ANXA8: variants seen among roughly 807,000 people sequenced by gnomAD.
The protein encoded by ANXA8 is VAC-beta.
In ANXA8, 9 loss-of-function variants were observed where a neutral mutation model predicts 26.8. The ratio of observed to expected loss-of-function variants is 0.34; its 90% CI spans 0.20 to 0.59. The LOEUF (loss-of-function observed/expected upper bound fraction) is 0.59. ANXA8 is among the 20% of genes least tolerant of loss of function. The probability of loss-of-function intolerance (pLI) is 0.84; values close to 1 mark genes in which losing one functional copy is unlikely to be tolerated. For missense variants in ANXA8, 83 were observed against 238.5 expected (o/e 0.35, Z 4.29); for synonymous variants, 39 against 94.8 (o/e 0.41, Z 3.42).
chr10:47,510,033 A>G, the ANXA8 span: 4 of 1,465,798 alleles, frequency 2.7e-6, no homozygotes, highest in Non-Finnish European at 3.6e-6. Flanking sequence ...AGAGAAACTG[A>G]TACTTAATAT....
chr10:47,700,289 T>G, the ANXA8 span, among the ~76,000 whole-genome samples: 6 of 151,884 alleles, frequency 4.0e-5, no homozygotes, highest in African/African-American at 1.5e-4. Flanking sequence ...AGTGAAGTAC[T>G]GATGCATGAA....
At chr10:47,733,227 CTTTCTCTCTTTCTTTCTTTCTT>C in the ANXA8 span, among the ~76,000 whole-genome samples, 2 of 75,584 alleles carry the variant, frequency 2.6e-5, no homozygotes, top group African/African-American at 1.1e-4. Flanking sequence ...CTTTCTCTTT[CTTTCTCTCTTTCTTTCTTTCTT>C]TCTTTCTTTC....
the ANXA8 span, among the ~76,000 whole-genome samples, chr10:47,554,910 T>C: frequency 0.19 from 28,111 of 150,658 alleles, 2,856 homozygotes; most frequent in East Asian, 0.52. Context: ...GTAAATAATC[T>C]TTCTAACATC....
the ANXA8 span, among the ~76,000 whole-genome samples, chr10:47,942,562 A>C: frequency 1.5e-4 from 21 of 141,096 alleles, no homozygotes; most frequent in Admixed American, 1.3e-3. Context: ...CCAAACATGC[A>C]GTCATGGTTA....
the ANXA8 span, chr10:47,565,928 A>C: frequency 6.7e-7 from 1 of 1,484,434 alleles, no homozygotes. Context: ...CGAGGAGGGC[A>C]TGGTGGAGGG....
At chr10:47,484,212 G>A (rs1839969832), upstream of ANXA8, 1 of 738,394 alleles carries the variant, frequency 1.4e-6, no homozygotes, top group Non-Finnish European at 2.4e-6. Context: ...AGATATTTGG[G>A]CTGTGGCTGT....
At chr10:47,976,543 TTACACACAC>T in the ANXA8 span, among the ~76,000 whole-genome samples, 510 of 86,942 alleles carry the variant, frequency 5.9e-3, no homozygotes, top group Admixed American at 0.02. Context: ...ACCTCTGTCT[TTACACACAC>T]ACACACACAC....
At chr10:47,502,182 C>A in the ANXA8 span, 3 of 1,544,066 alleles carry the variant, frequency 1.9e-6, 1 homozygote, top group Non-Finnish European at 2.6e-6. Flanking sequence ...GCATCTCGGG[C>A]CATGACGTCC....
chr10:47,899,521 A>T, the ANXA8 span, among the ~76,000 whole-genome samples: 1 of 56,920 alleles, frequency 1.8e-5, no homozygotes, highest in Non-Finnish European at 3.4e-5. Flanking sequence ...CTGGAATTAC[A>T]GGTGCTCACC....
At chr10:47,495,287 TTA>T in the ANXA8 span, among the ~76,000 whole-genome samples, 995 of 116,628 alleles carry the variant, frequency 8.5e-3, 4 homozygotes, top group South Asian at 0.039. Flanking sequence ...ATTATTATTA[TTA>T]TTATTATTAT....
chr10:47,491,694 G>T, the ANXA8 span: 1 of 1,539,990 alleles, frequency 6.5e-7, no homozygotes, highest in Non-Finnish European at 8.8e-7. Context: ...GCAGACAGTG[G>T]CGAACTAGGA....
rs1183578342 is a variant in ANXA8 at position 47,476,354 on chromosome 10, C to T, written c.322-32G>A. 10 of 414,508 alleles carry T rather than the reference C, an allele frequency of 2.4e-5. No individual in the cohort carries two copies. In the African/African-American group the frequency reaches 2.7e-4, roughly 11 times the overall value. 25.7% of individuals were successfully genotyped at this position (414,508 alleles called of 1,614,324 possible). On this transcript the variant is annotated intron_variant, in intron 4 of 11. Transcript: ENST00000585281. The stretch of plus-strand genomic sequence containing the variant: ...ACAGAAACCTCTGCCTGCTGGAGTG[C>T]TCTGCCATGACCTTCTGCTCTGTCC...
At chr10:47,937,372 AT>A in the ANXA8 span, among the ~76,000 whole-genome samples, 5 of 149,402 alleles carry the variant, frequency 3.3e-5, no homozygotes, top group African/African-American at 7.3e-5. Context: ...ATTTTCAAGA[AT>A]TTGTGCTCTT....
At chr10:47,921,551 A>C in the ANXA8 span, among the ~76,000 whole-genome samples, 2 of 149,770 alleles carry the variant, frequency 1.3e-5, no homozygotes, top group Non-Finnish European at 3.0e-5. Context: ...GGGAATTAGT[A>C]GAACAAGTTC....
the ANXA8 span, among the ~76,000 whole-genome samples, chr10:47,714,418 TAA>T: frequency 7.4e-6 from 1 of 135,030 alleles, no homozygotes; most frequent in Non-Finnish European, 1.6e-5. Context: ...AGTGAGAAAC[TAA>T]AAAGACAGCT....
the ANXA8 span, among the ~76,000 whole-genome samples, chr10:47,612,757 C>T: frequency 6.8e-5 from 5 of 73,672 alleles, 1 homozygote; most frequent in African/African-American, 2.0e-4. Flanking sequence ...CCTGAGCTAG[C>T]ATGTTAGCAT....
chr10:47,593,155 T>C, the ANXA8 span, among the ~76,000 whole-genome samples: 1 of 145,472 alleles, frequency 6.9e-6, no homozygotes, highest in East Asian at 1.9e-4. Flanking sequence ...ACTGCAGACA[T>C]ACCCTAAAAC....
the ANXA8 span, among the ~76,000 whole-genome samples, chr10:47,962,185 C>CA: frequency 1.4e-5 from 1 of 72,262 alleles, no homozygotes; most frequent in Non-Finnish European, 2.9e-5. Flanking sequence ...GCTTCAGGTG[C>CA]ACTGCTCTGT....
At chr10:47,951,816 A>C in the ANXA8 span, among the ~76,000 whole-genome samples, 1 of 142,268 alleles carries the variant, frequency 7.0e-6, no homozygotes, top group African/African-American at 2.9e-5. Flanking sequence ...GTCTCCAAAA[A>C]AAAAAAAAAA....
Sources: allele counts gnomAD v4.1 joint callset (sites outside exome capture counted in the v4.1 genomes callset), GRCh38; gene constraint gnomAD v4.1.1; transcripts MANE v1.5; gene names NCBI Gene and HGNC (gene_info 2026-07-23, HGNC 2026-07-21).